The following AUTS2 variants were observed in gnomAD, a reference collection of about 807,000 sequenced individuals.
AUTS2 encodes the protein autism susceptibility gene 2 protein.
AUTS2 carries 17 observed loss-of-function variants against 112.4 expected under a neutral mutation model. The observed-to-expected ratio is 0.15, with a 90% CI of 0.10 to 0.23. The LOEUF (loss-of-function observed/expected upper bound fraction) is 0.23. Among genes scored for constraint, AUTS2 ranks in the 10% least tolerant of loss-of-function variants. AUTS2 has a pLI of 1.00. For synonymous variants in AUTS2, 751 were observed against 702.7 expected (o/e 1.07, Z -1.09); for missense variants, 1,510 against 1,701.6 (o/e 0.89, Z 1.98).
chr7:70,776,909 G>T, intron 13 of AUTS2, 194 bp from the exon 14 acceptor site: 1 of 626,966 alleles, frequency 1.6e-6, no homozygotes, highest in Admixed American at 2.8e-5. Flanking sequence ...TGGGGAGAGA[G>T]GGGGAGCTGG....
At chr7:70,435,659 C>CT (rs1382499747) in intron 4 of AUTS2, 93 bp from the exon 5 acceptor site, 4 of 1,304,514 alleles carry the variant, frequency 3.1e-6, no homozygotes, top group Non-Finnish European at 4.4e-6. Flanking sequence ...TTATCTTGCA[C>CT]TTTTTTTGTA....
chr7:70,346,157 T>C (rs1311266109), intron 4 of AUTS2, among the ~76,000 whole-genome samples: 1 of 152,202 alleles, frequency 6.6e-6, no homozygotes, highest in African/African-American at 2.4e-5. Context: ...GTGGTAGAGC[T>C]ACAGTGGTGA....
At chr7:70,003,498 A>C (rs1799335878) in intron 2 of AUTS2, among the ~76,000 whole-genome samples, 3 of 123,230 alleles carry the variant, frequency 2.4e-5, no homozygotes, top group Non-Finnish European at 4.7e-5. Flanking sequence ...ATATATATGA[A>C]TATGTTATAT....
At chr7:69,616,402 G>C (rs143297702) in intron 1 of AUTS2, among the ~76,000 whole-genome samples, 2 of 152,216 alleles carry the variant, frequency 1.3e-5, no homozygotes, top group South Asian at 4.2e-4. Flanking sequence ...AGAAGCAATG[G>C]GATTATTGCA....
At chr7:69,651,838 A>G (rs1487650205) in intron 1 of AUTS2, among the ~76,000 whole-genome samples, 2 of 152,226 alleles carry the variant, frequency 1.3e-5, no homozygotes, top group Admixed American at 1.3e-4. Context: ...AAGATTAGCA[A>G]ATCAAGGCAG....
chr7:70,572,670 G>A (rs1801996146), intron 5 of AUTS2, among the ~76,000 whole-genome samples: 1 of 152,118 alleles, frequency 6.6e-6, no homozygotes, highest in Admixed American at 6.5e-5. Flanking sequence ...TGTAAGAAAG[G>A]CTTTCTAGTC....
chr7:70,774,171 T>A (rs1202865796), intron 12 of AUTS2, 72 bp downstream of exon 12: 4 of 1,392,924 alleles, frequency 2.9e-6, no homozygotes, highest in Non-Finnish European at 4.1e-6. Context: ...GCCAGCCCAG[T>A]GCTCGCATCT....
At position 70,256,824 on chromosome 7, in the gene AUTS2, G is replaced by C. The variant is rs141596223; in HGVS notation, c.660+122253G>C. On this transcript the variant is annotated intron_variant, in intron 4 of 18. Transcript: ENST00000342771. ...TTCAGATTCATCATGGACAGAGATA[G>C]AAAGTACTCTAGTGTCTTTATCCCA... 8.7e-3 allele frequency among the ~76,000 whole-genome samples: 1,319 copies of C among 152,340 alleles called. 12 individuals carry two copies. Among genetic ancestry groups the C allele is most frequent in the Middle Eastern group, 0.02 (6 of 294 alleles).
intron 1 of AUTS2, among the ~76,000 whole-genome samples, chr7:69,781,815 G>A (rs1789155108): frequency 2.0e-5 from 3 of 152,182 alleles, no homozygotes; most frequent in Admixed American, 2.0e-4. Context: ...GGAATTGGCT[G>A]CCTTCATCTG....
intron 2 of AUTS2, among the ~76,000 whole-genome samples, chr7:69,984,529 A>G (rs1192988263): frequency 6.6e-6 from 1 of 151,982 alleles, no homozygotes; most frequent in African/African-American, 2.4e-5. Context: ...ACCAGTGAGC[A>G]TGCATTTTTT....
At chr7:69,892,949 T>C (rs915722435) in intron 1 of AUTS2, among the ~76,000 whole-genome samples, 11 of 152,222 alleles carry the variant, frequency 7.2e-5, no homozygotes, top group Admixed American at 6.5e-5. Context: ...TTTTCTATCT[T>C]TATGCCAATA....
chr7:70,414,255 G>A (rs754072505), intron 4 of AUTS2, among the ~76,000 whole-genome samples: 1 of 152,178 alleles, frequency 6.6e-6, no homozygotes, highest in Non-Finnish European at 1.5e-5. Flanking sequence ...ATCATGTAGA[G>A]TAATGGGTCC....
At chr7:69,964,286 A>G (rs1383639866) in intron 2 of AUTS2, among the ~76,000 whole-genome samples, 2 of 152,136 alleles carry the variant, frequency 1.3e-5, no homozygotes, top group Admixed American at 6.5e-5. Flanking sequence ...TACTTCTTTT[A>G]TCACTGTAGT....
chr7:70,109,181 TAAA>T (rs1804939418), intron 2 of AUTS2, among the ~76,000 whole-genome samples: 1 of 152,206 alleles, frequency 6.6e-6, no homozygotes, highest in East Asian at 1.9e-4. Context: ...CAGAAAATCA[TAAA>T]AAGTAAGTTT....
At chr7:70,211,777 G>A (rs1331638481) in intron 4 of AUTS2, among the ~76,000 whole-genome samples, 1 of 151,994 alleles carries the variant, frequency 6.6e-6, no homozygotes, top group African/African-American at 2.4e-5. Flanking sequence ...ACGAGGTCAG[G>A]AGATCGAGAC....
At chr7:70,040,641 G>A (rs1011464053) in intron 2 of AUTS2, among the ~76,000 whole-genome samples, 1 of 152,156 alleles carries the variant, frequency 6.6e-6, no homozygotes, top group Non-Finnish European at 1.5e-5. Context: ...GTGACCGTGG[G>A]ACCACCCAGG....
At chr7:70,075,495 C>CA (rs1688090638) in intron 2 of AUTS2, among the ~76,000 whole-genome samples, 1 of 152,028 alleles carries the variant, frequency 6.6e-6, no homozygotes, top group South Asian at 2.1e-4. Context: ...ACTACAAATA[C>CA]GTTAAAATAT....
In AUTS2 at chr7:70,394,690, G is replaced by T. The variant is rs1432703607; in HGVS notation, c.661-41062G>T. On this transcript the variant is annotated intron_variant, in intron 4 of 18. Coordinates refer to ENST00000342771, the MANE Select transcript of AUTS2 (RefSeq NM_015570.4). ...GGGCAAGGACTGAGAGAGAGTGGGG[G>T]ACAGTTCTGTTATAGCCCAAGGTGA... 3.3e-5 allele frequency among the ~76,000 whole-genome samples: 5 copies of T among 152,176 alleles called. No homozygotes were observed. The East Asian group carries it at 5.8e-4, about 18-fold the overall frequency.
chr7:70,709,528 T>A, intron 6 of AUTS2, among the ~76,000 whole-genome samples: 2 of 152,000 alleles, frequency 1.3e-5, no homozygotes, highest in Non-Finnish European at 2.9e-5. Context: ...CTGGCCAACA[T>A]GGCGAAACCC....
Sources: allele counts gnomAD v4.1 joint callset (sites outside exome capture counted in the v4.1 genomes callset), GRCh38; gene constraint gnomAD v4.1.1; transcripts MANE v1.5; gene names NCBI Gene and HGNC (gene_info 2026-07-23, HGNC 2026-07-21).